The following WDR75 variants were observed in gnomAD, a reference collection of about 807,000 sequenced individuals.
The protein encoded by WDR75 is WD repeat domain 75, also known as WD repeat-containing protein 75.
WDR75 carries 52 observed loss-of-function variants against 106.1 expected under a neutral mutation model. That is an observed-to-expected ratio of 0.49 (90% CI 0.39 to 0.62). The LOEUF (loss-of-function observed/expected upper bound fraction) is 0.62. WDR75 is among the 20% of genes least tolerant of loss of function. WDR75 has a pLI of 0.00. For missense variants in WDR75, 905 were observed against 970.3 expected, an observed-to-expected ratio of 0.93 and a Z score of 0.89; for synonymous variants, 333 against 335.5, an observed-to-expected ratio of 0.99 and a Z score of 0.08.
chr2:189,444,511 G>A (rs918247417), intron 1 of WDR75, among the ~76,000 whole-genome samples: 2 of 152,050 alleles, frequency 1.3e-5, no homozygotes, highest in African/African-American at 4.8e-5. Context: ...GGGTTGTTAG[G>A]GTAGAGAAAA....
chr2:189,464,327 A>G (rs913417352), intron 11 of WDR75: 10 of 187,230 alleles, frequency 5.3e-5, no homozygotes, highest in Non-Finnish European at 2.2e-5. Flanking sequence ...ATATTCACAT[A>G]TTGAAGATAA....
At position 189,475,528 on chromosome 2, in the gene WDR75, TAAC is replaced by T; in HGVS notation, c.*114_*116del. On this transcript the variant is annotated 3_prime_UTR_variant, in exon 21 of 21. Coordinates refer to ENST00000314761, the MANE Select transcript of WDR75 (RefSeq NM_032168.3). ...GTTCTAAAAATAAGATAATAAATATTAACAAACTTTGCTTTTTTAAAAAACTGA... is the reference window on the plus strand; with the variant it reads ...GTTCTAAAAATAAGATAATAAATATTAAACTTTGCTTTTTTAAAAAACTGA... 2 of 718,346 alleles carry T rather than the reference TAAC, an allele frequency of 2.8e-6. No homozygotes were observed. Among genetic ancestry groups the T allele is most frequent in the Non-Finnish European group, 2.1e-6 (1 of 467,018 alleles). 44.5% of individuals were successfully genotyped at this position (718,346 alleles called of 1,614,324 possible).
chr2:189,469,267 C>A, intron 15 of WDR75, 77 bp from the exon 16 acceptor site: 1 of 1,105,922 alleles, frequency 9.0e-7, no homozygotes, highest in Non-Finnish European at 1.4e-6. Flanking sequence ...ATTCCTCTTC[C>A]TAAGAATAAG....
chr2:189,447,024 T>G (rs10201772), intron 1 of WDR75, among the ~76,000 whole-genome samples: 6,903 of 152,220 alleles, frequency 0.045, 198 homozygotes, highest in African/African-American at 0.069. Context: ...ATGTCTCAGG[T>G]GAGACAAGGG....
rs77997560 is a variant in WDR75 at position 189,463,835 on chromosome 2, C to T, written c.998-11C>T. ...TCTTATTTCACCTGTTATTTGTCAC[C>T]ACTTCTGCAGATAGGAGTATCTTCA... On this transcript the variant is annotated splice_polypyrimidine_tract_variant and intron_variant, in intron 10 of 20. Coordinates refer to ENST00000314761, the MANE Select transcript of WDR75 (RefSeq NM_032168.3). 65,918 of 1,613,318 alleles carry T rather than the reference C, an allele frequency of 0.041. 1,865 individuals are homozygous for T. The highest frequency in any genetic ancestry group is 0.14 in the African/African-American group (10,365 of 74,926).
chr2:189,459,369 C>T lies in WDR75; in HGVS notation c.723C>T (p.Tyr241=), dbSNP rs1271805402. The T allele has an allele frequency of 1.2e-6, 2 of 1,612,640 alleles. No individual in the cohort carries two copies. Among genetic ancestry groups the T allele is most frequent in the Non-Finnish European group, 8.5e-7 (1 of 1,179,624 alleles). Reference sequence around the variant, plus strand: ...TTTATGATGATAAGAAATATACGTACACATGTTTACATTGGCACCATGATA... The same window carrying T: ...TTTATGATGATAAGAAATATACGTATACATGTTTACATTGGCACCATGATA... ...RNFYDDKKYT[Y]TCLHWHHDMV... is the part of the protein sequence containing the mutation. Residue 241 remains tyrosine (Y), a synonymous_variant, in exon 8 of 21, where the codon TAC becomes TAT. Coordinates refer to ENST00000314761, the MANE Select transcript of WDR75 (RefSeq NM_032168.3).
Position 189,475,295 on chromosome 2 carries a change from A to G in WDR75, c.2371A>G (p.Lys791Glu). 1 of 1,613,184 alleles carries G rather than the reference A, an allele frequency of 6.2e-7. No individual in the cohort carries two copies. The highest frequency in any genetic ancestry group is 8.5e-7 in the Non-Finnish European group (1 of 1,179,382). ...AGATGAAGAAAATGATTTTACCGAAAAAGTCCAGGATACAAGTAACACAGG... is the reference window on the plus strand; with the variant it reads ...AGATGAAGAAAATGATTTTACCGAAGAAGTCCAGGATACAAGTAACACAGG... ...DSDEENDFTE[K>E]VQDTSNTGLG... The change falls in exon 21 of 21, where the codon AAA (lysine) becomes GAA (glutamate). Residue 791 changes from lysine to glutamate, a missense_variant. Coordinates refer to ENST00000314761, the MANE Select transcript of WDR75 (RefSeq NM_032168.3).
intron 7 of WDR75, 125 bp from the exon 8 acceptor site, chr2:189,459,211 G>T: frequency 1.4e-6 from 1 of 711,030 alleles, no homozygotes. Flanking sequence ...TGCACATTAA[G>T]ACCAGAAGCC....
At chr2:189,472,943 G>A (rs79184953) in intron 18 of WDR75, among the ~76,000 whole-genome samples, 10 of 152,288 alleles carry the variant, frequency 6.6e-5, no homozygotes, top group African/African-American at 2.4e-4. Flanking sequence ...AGGAGGCCGG[G>A]CACGGTGGTT....
intron 1 of WDR75, among the ~76,000 whole-genome samples, chr2:189,442,589 T>TA (rs1438115032): frequency 6.6e-6 from 1 of 151,748 alleles, no homozygotes; most frequent in Non-Finnish European, 1.5e-5. Context: ...TAGCAAGTAT[T>TA]ATAAGCGCGG....
At chr2:189,458,557 GAT>G (rs1686791177) in intron 6 of WDR75, among the ~76,000 whole-genome samples, 194 bp from the exon 7 acceptor site, 1 of 151,978 alleles carries the variant, frequency 6.6e-6, no homozygotes, top group Admixed American at 6.6e-5. Context: ...GTTGTATATT[GAT>G]ATATGTTTAC....
intron 19 of WDR75, 90 bp downstream of exon 19, chr2:189,474,422 A>G (rs1687172528): frequency 7.0e-7 from 1 of 1,420,552 alleles, no homozygotes; most frequent in African/African-American, 1.4e-5. Flanking sequence ...TGTAATTTGT[A>G]TGCTGTACAA....
intron 2 of WDR75, chr2:189,449,479 CAAA>C: frequency 4.6e-6 from 5 of 1,096,388 alleles, no homozygotes; most frequent in Middle Eastern, 3.0e-4. Flanking sequence ...TTTTTAATAG[CAAA>C]ACTATTATTT....
At chr2:189,451,492 C>T (rs1686621096) in intron 3 of WDR75, among the ~76,000 whole-genome samples, 1 of 152,198 alleles carries the variant, frequency 6.6e-6, no homozygotes, top group African/African-American at 2.4e-5. Flanking sequence ...TTTGCTACAG[C>T]AGTCTCACCT....
At chr2:189,454,494 A>AG (rs1686692305) in intron 4 of WDR75, among the ~76,000 whole-genome samples, 1 of 151,732 alleles carries the variant, frequency 6.6e-6, no homozygotes, top group African/African-American at 2.4e-5. Context: ...TGTAAAATGC[A>AG]CCAGTAAGAT....
At chr2:189,462,098 A>G (rs1686900844) in intron 8 of WDR75, among the ~76,000 whole-genome samples, 1 of 152,222 alleles carries the variant, frequency 6.6e-6, no homozygotes, top group East Asian at 1.9e-4. Flanking sequence ...TATCATTGGT[A>G]TAGTATTTTG....
intron 19 of WDR75, 152 bp downstream of exon 19, chr2:189,474,484 T>C: frequency 2.9e-6 from 3 of 1,030,200 alleles, no homozygotes; most frequent in South Asian, 1.7e-5. Context: ...CTTAACCTTG[T>C]GATCTGGGAT....
At chr2:189,444,898 T>C (rs947512159) in intron 1 of WDR75, among the ~76,000 whole-genome samples, 2 of 152,168 alleles carry the variant, frequency 1.3e-5, no homozygotes, top group African/African-American at 2.4e-5. Flanking sequence ...TGTTGCTATT[T>C]TTTCTTCCCA....
rs1334192339 is a variant in WDR75, at chr2:189,455,369, A to G, written c.423A>G (p.Glu141=). The G allele has an allele frequency of 6.2e-7, 1 of 1,614,088 alleles. No individual in the cohort carries two copies. Among genetic ancestry groups the G allele is most frequent in the Non-Finnish European group, 8.5e-7 (1 of 1,180,028 alleles). ...AACTGCCAAAATCCTCAAGCCAGGA[A>G]GTAGAAGCCAAGGAGCTGTCCTTTG... The part of the protein sequence containing the change: ...SVKLPKSSSQ[E]VEAKELSFVL... Residue 141 remains glutamate (E), a synonymous_variant, in exon 5 of 21, where the codon GAA becomes GAG. Transcript: ENST00000314761.
Sources: gnomAD v4.1 joint callset for allele counts (sites outside exome capture counted in the v4.1 genomes callset) on GRCh38, gnomAD v4.1.1 for gene constraint, MANE v1.5 for transcripts, NCBI Gene and HGNC (gene_info 2026-07-23, HGNC 2026-07-21) for gene names.